Variants in DLGAP2 observed in about 807,000 individuals in gnomAD.
DLGAP2 encodes the protein DLG associated protein 2, also known as disks large-associated protein 2.
A neutral mutation model predicts 100.3 loss-of-function variants in DLGAP2; 26 were observed. That is an observed-to-expected ratio of 0.26 (90% confidence interval 0.19 to 0.36). DLGAP2 has a LOEUF of 0.36. Among genes scored for constraint, DLGAP2 ranks in the 10% least tolerant of loss-of-function variants. DLGAP2 has a pLI of 1.00. For synonymous variants in DLGAP2, 886 were observed against 630.1 expected (o/e 1.41, Z -6.08); for missense variants, 1,858 against 1,453.2 (o/e 1.28, Z -4.53).
intron 1 of DLGAP2, among the ~76,000 whole-genome samples, chr8:881,492 CTCTCTTTTT>C (rs1563076925): frequency 7.8e-5 from 10 of 128,152 alleles, no homozygotes; most frequent in Non-Finnish European, 1.3e-4. Context: ...ACCATTTCAT[CTCTCTTTTT>C]TTTTTTTTTT....
rs1935976932 is a variant in DLGAP2 at position 907,923 on chromosome 8, C to T, written c.30C>T (p.Gly10=). MSALRKVLP[G]ILQKHCCILP... ...TTGTTTTAAAACAGGTTTTGCCTGG[C>T]ATTCTGCAGAAGCATTGCTGTATCT... The change falls in exon 2 of 15, where the codon GGC becomes GGT. Residue 10 remains glycine, a synonymous_variant. Coordinates refer to ENST00000637795, the MANE Select transcript of DLGAP2 (RefSeq NM_001346810.2). 2.5e-6 allele frequency: 1 copy of T among 398,852 alleles called. No homozygotes were observed. Among genetic ancestry groups the T allele is most frequent in the African/African-American group, 2.1e-5 (1 of 48,638 alleles). 24.7% of individuals were successfully genotyped at this position (398,852 alleles called of 1,614,324 possible). A position where few individuals can be genotyped will look rare whatever the true frequency, so the allele number is the denominator to read the frequency against.
chr8:1,211,018 C>T (rs537240475), intron 2 of DLGAP2, among the ~76,000 whole-genome samples: 2 of 152,358 alleles, frequency 1.3e-5, no homozygotes, highest in African/African-American at 2.4e-5. Flanking sequence ...AGACAGCCCA[C>T]ACCAGGGAGG....
chr8:1,077,764 A>T (rs191285938), intron 2 of DLGAP2, among the ~76,000 whole-genome samples: 2 of 152,282 alleles, frequency 1.3e-5, no homozygotes, highest in African/African-American at 4.8e-5. Context: ...GTTACTGAAA[A>T]ATCTTGGCAT....
intron 2 of DLGAP2, among the ~76,000 whole-genome samples, chr8:989,721 A>C (rs1298926889): frequency 6.6e-6 from 1 of 152,172 alleles, no homozygotes; most frequent in Non-Finnish European, 1.5e-5. Flanking sequence ...AATTAGTTTA[A>C]AATTTTGAAA....
intron 6 of DLGAP2, among the ~76,000 whole-genome samples, chr8:1,588,738 TAAAAAAAAAAAA>T (rs11358700): frequency 2.2e-5 from 2 of 91,474 alleles, no homozygotes; most frequent in South Asian, 4.5e-4. Context: ...CTGTCTTTAC[TAAAAAAAAAAAA>T]AAAAAAAAAA....
At chr8:1,354,016 C>T (rs552103854) in intron 3 of DLGAP2, among the ~76,000 whole-genome samples, 97 of 152,212 alleles carry the variant, frequency 6.4e-4, no homozygotes, top group African/African-American at 2.2e-3. Flanking sequence ...GATGGAGTGG[C>T]AGTGGCCAGT....
intron 6 of DLGAP2, among the ~76,000 whole-genome samples, chr8:1,598,844 G>T (rs1032000671): frequency 1.3e-5 from 2 of 151,742 alleles, no homozygotes; most frequent in Non-Finnish European, 2.9e-5. Context: ...TTTTTTGAAG[G>T]GTTTTTCATG....
chr8:1,262,106 G>C (rs1340708240), intron 3 of DLGAP2, among the ~76,000 whole-genome samples: 1 of 152,150 alleles, frequency 6.6e-6, no homozygotes, highest in African/African-American at 2.4e-5. Context: ...TACTTCTTTG[G>C]ATACAGATGG....
chr8:1,561,299 T>C (rs2906579), intron 5 of DLGAP2, among the ~76,000 whole-genome samples: 75,690 of 151,868 alleles, frequency 0.5, 19,423 homozygotes, highest in African/African-American at 0.62. Context: ...TGAGAAGAGA[T>C]GCATACAATA....
At chr8:1,234,505 C>G (rs574496087) in intron 2 of DLGAP2, among the ~76,000 whole-genome samples, 1 of 152,236 alleles carries the variant, frequency 6.6e-6, no homozygotes, top group East Asian at 1.9e-4. Flanking sequence ...TTAGGGTGAC[C>G]TCTCCTTAAC....
chr8:1,009,065 G>A (rs1020985896), intron 2 of DLGAP2, among the ~76,000 whole-genome samples: 3 of 152,198 alleles, frequency 2.0e-5, no homozygotes, highest in African/African-American at 7.2e-5. Context: ...GGGCCCTGAT[G>A]GGGGGCAGGC....
chr8:1,689,283 G>A (rs1799195817), intron 12 of DLGAP2, among the ~76,000 whole-genome samples: 1 of 152,184 alleles, frequency 6.6e-6, no homozygotes, highest in South Asian at 2.1e-4. Context: ...GTCAGGCCAT[G>A]CCCGGCACAA....
intron 2 of DLGAP2, among the ~76,000 whole-genome samples, chr8:1,223,005 C>G (rs142006349): frequency 6.6e-6 from 1 of 152,266 alleles, no homozygotes; most frequent in Non-Finnish European, 1.5e-5. Context: ...GCAGCCGTTC[C>G]CACACCAAAT....
At chr8:1,418,817 C>T (rs55649442) in intron 3 of DLGAP2, among the ~76,000 whole-genome samples, 29,792 of 152,226 alleles carry the variant, frequency 0.2, 3,582 homozygotes, top group Non-Finnish European at 0.27. Flanking sequence ...AGGTTAAGGA[C>T]GCAGCCCCGC....
rs191350246 is a variant in DLGAP2 at position 869,020 on chromosome 8, G to A, written c.19-38892G>A. 2.3e-3 allele frequency among the ~76,000 whole-genome samples: 354 copies of A among 152,342 alleles called. 1 individual carries two copies. Among genetic ancestry groups the A allele is most frequent in the Non-Finnish European group, 2.9e-3 (199 of 68,038 alleles). ...ACTTTGATCCACAGAAAAGGCTGCC[G>A]GGTTTCTCCACAGGCGTCCTGAGTA... On this transcript the variant is annotated intron_variant, in intron 1 of 14. Coordinates refer to ENST00000637795, the MANE Select transcript of DLGAP2 (RefSeq NM_001346810.2).
At chr8:956,827 G>T (rs1563113363) in intron 2 of DLGAP2, among the ~76,000 whole-genome samples, 1 of 152,182 alleles carries the variant, frequency 6.6e-6, no homozygotes, top group East Asian at 1.9e-4. Flanking sequence ...TGTTTAAATG[G>T]TATTTAAGTG....
At chr8:850,543 G>A (rs1028771016) in intron 1 of DLGAP2, among the ~76,000 whole-genome samples, 2 of 152,150 alleles carry the variant, frequency 1.3e-5, no homozygotes, top group African/African-American at 4.8e-5. Context: ...GTCAGAGTAT[G>A]TATCTATGTT....
intron 2 of DLGAP2, among the ~76,000 whole-genome samples, chr8:1,198,701 A>G (rs1024433243): frequency 2.0e-5 from 3 of 152,098 alleles, no homozygotes; most frequent in Non-Finnish European, 4.4e-5. Context: ...CAGGCCCCTC[A>G]TGTCCTGAAG....
intron 1 of DLGAP2, among the ~76,000 whole-genome samples, chr8:772,083 T>C (rs1821378595): frequency 6.6e-6 from 1 of 152,070 alleles, no homozygotes; most frequent in Admixed American, 6.6e-5. Context: ...CTATTTTTTG[T>C]AGAGACAAGG....
Sources: gnomAD v4.1 joint callset for allele counts (sites outside exome capture counted in the v4.1 genomes callset) on GRCh38, gnomAD v4.1.1 for gene constraint, MANE v1.5 for transcripts, NCBI Gene and HGNC (gene_info 2026-07-23, HGNC 2026-07-21) for gene names.